The following CCM2L variants were observed in gnomAD, a reference collection of about 807,000 sequenced individuals.
CCM2L encodes cerebral cavernous malformations 2 protein-like.
CCM2L carries 36 observed loss-of-function variants against 54.1 expected under a neutral mutation model. The ratio of observed to expected loss-of-function variants is 0.67; its 90% confidence interval spans 0.51 to 0.88. The LOEUF (loss-of-function observed/expected upper bound fraction) is 0.88. Among genes scored for constraint, CCM2L ranks in the 40% least tolerant of loss-of-function variants. The pLI, the probability that CCM2L is intolerant of heterozygous loss-of-function variation, is 0.00. For missense variants in CCM2L, 700 were observed against 812.1 expected, an observed-to-expected ratio of 0.86 and a Z score of 1.68; for synonymous variants, 351 against 359.3, an observed-to-expected ratio of 0.98 and a Z score of 0.26.
chr20:32,031,235 C>T lies in CCM2L; in HGVS notation c.1637C>T (p.Pro546Leu). 2 of 1,298,542 alleles carry T rather than the reference C, an allele frequency of 1.5e-6. No homozygotes were observed. The highest frequency in any genetic ancestry group is 2.0e-6 in the Non-Finnish European group (2 of 988,472). 80.4% of individuals were successfully genotyped at this position (1,298,542 alleles called of 1,614,324 possible). The change falls in exon 10 of 10, where the codon CCC becomes CTC. Residue 546 changes from proline (P) to leucine (L), a missense_variant. Transcript: ENST00000452892. The part of the protein sequence containing the change: ...DITHDIEALA[P>L]DDDDDDEDEP... The stretch of plus-strand genomic sequence containing the variant: ...ACGCACGACATCGAGGCGCTGGCCC[C>T]CGATGACGACGACGACGACGAGGAT...
At chr20:32,015,164 CAG>C in intron 2 of CCM2L, 93 bp downstream of exon 2, 6 of 1,288,742 alleles carry the variant, frequency 4.7e-6, no homozygotes, top group Non-Finnish European at 6.2e-6. Flanking sequence ...GTATCTCACA[CAG>C]GGGAAGTTGT....
intron 1 of CCM2L, among the ~76,000 whole-genome samples, chr20:32,013,000 T>C (rs2064706819): frequency 6.6e-6 from 1 of 152,106 alleles, no homozygotes. Context: ...CTTAAAAAAA[T>C]CTTAATGGAC....
chr20:32,011,925 G>T (rs531360817), intron 1 of CCM2L, among the ~76,000 whole-genome samples: 2 of 151,218 alleles, frequency 1.3e-5, no homozygotes, highest in East Asian at 3.9e-4. Flanking sequence ...ACACACATAC[G>T]CAAGACAAAG....
rs45443900 is a variant in CCM2L at position 32,025,961 on chromosome 20, C to A, written c.1133+42C>A. 0.011 allele frequency: 13,659 copies of A among 1,283,256 alleles called. 434 individuals carry two copies. In the African/African-American group the frequency reaches 0.11, roughly 10 times the overall value. 79.5% of individuals were successfully genotyped at this position (1,283,256 alleles called of 1,614,324 possible). On this transcript the variant is annotated intron_variant, in intron 7 of 9. Coordinates refer to ENST00000452892, the MANE Select transcript of CCM2L (RefSeq NM_001365692.1). ...TCAGGGACTCCACCCTGCTCCCCTACCCCTGCACAAACAGGGTGACTAGAG... is the reference window on the plus strand; with the variant it reads ...TCAGGGACTCCACCCTGCTCCCCTAACCCTGCACAAACAGGGTGACTAGAG...
rs2064756999 is a variant in CCM2L, at chr20:32,018,155, C to T, written c.459C>T (p.Leu153=). 7 of 1,524,122 alleles carry T rather than the reference C, an allele frequency of 4.6e-6. No homozygotes were observed. Among genetic ancestry groups the T allele is most frequent in the Non-Finnish European group, 5.3e-6 (6 of 1,135,846 alleles). 94.4% of individuals were successfully genotyped at this position (1,524,122 alleles called of 1,614,324 possible). A position where few individuals can be genotyped will look rare whatever the true frequency, so the allele number is the denominator to read the frequency against. ...LQDDALHLLV[L]KTGLGVDPVP... The stretch of plus-strand genomic sequence containing the variant: ...ACGACGCGCTGCACCTGCTAGTGCT[C>T]AAGACCGGTGCGGCGGGAGGGGGCG... Residue 153 remains leucine, a synonymous_variant, in exon 4 of 10, where the codon CTC becomes CTT. Transcript: ENST00000452892.
In CCM2L at chr20:32,018,006, A is replaced by T. The variant is rs572435888; in HGVS notation, c.310A>T (p.Thr104Ser). 52 of 1,613,742 alleles carry T rather than the reference A, an allele frequency of 3.2e-5. No homozygotes were observed. Reference sequence around the variant, plus strand: ...GCTGAAGGAGCTGCCGCTGAAGACCACGGCGGAGCAGGACAGCATCCTGAG... The same window carrying T: ...GCTGAAGGAGCTGCCGCTGAAGACCTCGGCGGAGCAGGACAGCATCCTGAG... ...RQLKELPLKT[T>S]AEQDSILSLS... The change falls in exon 4 of 10, where the codon ACG becomes TCG. Residue 104 changes from threonine to serine, a missense_variant. By Grantham distance (58) the Thr-to-Ser change is moderately conservative. Coordinates refer to ENST00000452892, the MANE Select transcript of CCM2L (RefSeq NM_001365692.1).
At chr20:32,012,058 C>T (rs1217723050) in intron 1 of CCM2L, among the ~76,000 whole-genome samples, 2 of 151,932 alleles carry the variant, frequency 1.3e-5, no homozygotes, top group East Asian at 1.9e-4. Context: ...GAATTTTGCA[C>T]ATGCTGTGCC....
At chr20:32,023,036 C>T (rs1007259994) in intron 6 of CCM2L, among the ~76,000 whole-genome samples, 6 of 152,272 alleles carry the variant, frequency 3.9e-5, no homozygotes, top group South Asian at 4.1e-4. Flanking sequence ...GATGCCATCT[C>T]GGCTCACTGC....
At position 32,019,305 on chromosome 20, in the gene CCM2L, G is replaced by A. The variant is rs2064778604; in HGVS notation, c.829G>A (p.Gly277Arg). 3.8e-6 allele frequency: 5 copies of A among 1,300,322 alleles called. No homozygotes were observed. The highest frequency in any genetic ancestry group is 4.9e-6 in the Non-Finnish European group (5 of 1,024,794). The allele number at this position is 1,300,322 out of a possible 1,614,324, so 80.5% of individuals were successfully genotyped here. Residue 277 changes from glycine to arginine, a missense_variant, in exon 5 of 10, where the codon GGA becomes AGA. Physicochemically the swap from Gly to Arg is moderately radical, Grantham distance 125. Transcript: ENST00000452892. ...WERRQAGSGG[G>R]GSWERRHPGP... Reference sequence around the variant, plus strand: ...GCGGAGGCAGGCGGGCAGCGGCGGGGGAGGCAGCTGGGAGCGGCGCCACCC... The same window carrying A: ...GCGGAGGCAGGCGGGCAGCGGCGGGAGAGGCAGCTGGGAGCGGCGCCACCC...
rs2064918823 is a variant in CCM2L, at chr20:32,031,052, T to A, written c.1454T>A (p.Leu485Gln). Residue 485 changes from leucine to glutamine, a missense_variant, in exon 10 of 10, where the codon CTG becomes CAG. By Grantham distance (113) the Leu-to-Gln change is moderately radical (BLOSUM62 -2). Coordinates refer to ENST00000452892, the MANE Select transcript of CCM2L (RefSeq NM_001365692.1). Reference sequence around the variant, plus strand: ...GACATCGGCTACTTCGAGGGCTTCCTGGAGGGCGTGGGCATCCGCGAGGGC... The same window carrying A: ...GACATCGGCTACTTCGAGGGCTTCCAGGAGGGCGTGGGCATCCGCGAGGGC... Reference protein sequence around the residue: ...DQDIGYFEGFLEGVGIREGGI... With the variant: ...DQDIGYFEGFQEGVGIREGGI... The A allele has an allele frequency of 1.5e-6, 2 of 1,304,128 alleles. No homozygotes were observed. The highest frequency in any genetic ancestry group is 2.0e-6 in the Non-Finnish European group (2 of 988,946). 80.8% of individuals were successfully genotyped at this position (1,304,128 alleles called of 1,614,324 possible).
At position 32,019,106 on chromosome 20, in the gene CCM2L, C is replaced by A. The variant is rs952224232; in HGVS notation, c.630C>A (p.Gly210=). The part of the protein sequence containing the change: ...SLDWRMGWGG[G]AAEARAGGGG... ...ACTGGCGGATGGGGTGGGGTGGGGG[C>A]GCCGCGGAGGCCCGGGCCGGGGGAG... Residue 210 remains glycine, a synonymous_variant, in exon 5 of 10, where the codon GGC becomes GGA. Coordinates refer to ENST00000452892, the MANE Select transcript of CCM2L (RefSeq NM_001365692.1). 12 of 1,175,946 alleles carry A rather than the reference C, an allele frequency of 1.0e-5. No homozygotes were observed. The highest frequency in any genetic ancestry group is 1.3e-5 in the Non-Finnish European group (12 of 952,262). 72.8% of individuals were successfully genotyped at this position (1,175,946 alleles called of 1,614,324 possible).
chr20:32,025,546 C>T (rs944753599), intron 6 of CCM2L, among the ~76,000 whole-genome samples: 5 of 152,270 alleles, frequency 3.3e-5, no homozygotes, highest in African/African-American at 1.2e-4. Flanking sequence ...GGATTACAGG[C>T]GTGAGCCACA....
intron 1 of CCM2L, among the ~76,000 whole-genome samples, chr20:32,014,265 T>A (rs375301202): frequency 0.043 from 5,547 of 128,178 alleles, 144 homozygotes; most frequent in African/African-American, 0.085. Flanking sequence ...ATATATATTT[T>A]TTTTTTTTTT....
intron 2 of CCM2L, among the ~76,000 whole-genome samples, chr20:32,016,459 T>C (rs2064741933): frequency 6.6e-6 from 1 of 151,598 alleles, no homozygotes; most frequent in Non-Finnish European, 1.5e-5. Context: ...AGCCTGGCCA[T>C]CTTTTAGTAG....
intron 5 of CCM2L, among the ~76,000 whole-genome samples, chr20:32,020,202 C>A (rs1165466006): frequency 6.6e-6 from 1 of 152,178 alleles, no homozygotes; most frequent in Non-Finnish European, 1.5e-5. Flanking sequence ...GATCTTGGAC[C>A]ACCAGATCCC....
chr20:32,018,867 G>T lies in CCM2L; in HGVS notation c.467-76G>T, dbSNP rs965929100. On this transcript the variant is annotated intron_variant, in intron 4 of 9. Transcript: ENST00000452892. ...AACCCCAGAGCCGCGAGGTCAGGTG[G>T]CCAGCCGGCCTCGGCGGGGCGGGGG... is the stretch of plus-strand genomic sequence containing the variant. 1.7e-5 allele frequency: 21 copies of T among 1,238,656 alleles called. No individual in the cohort carries two copies. In the East Asian group the frequency reaches 7.1e-4, roughly 42 times the overall value. 76.7% of individuals were successfully genotyped at this position (1,238,656 alleles called of 1,614,324 possible). A position where few individuals can be genotyped will look rare whatever the true frequency, so the allele number is the denominator to read the frequency against.
rs112936941 is a variant in CCM2L, at chr20:32,030,478, T to C, written c.1403-523T>C. Among the ~76,000 whole-genome samples, 760 of 152,274 alleles carry C rather than the reference T, an allele frequency of 5.0e-3. 9 individuals carry two copies. Among genetic ancestry groups the C allele is most frequent in the African/African-American group, 0.016 (663 of 41,552 alleles). On this transcript the variant is annotated intron_variant, in intron 9 of 9. Coordinates refer to ENST00000452892, the MANE Select transcript of CCM2L (RefSeq NM_001365692.1). ...CCCAGAGAACAGGTGCAATTATCTGTTTTACAGGTGAGGAAAATGAGGTTC... is the reference window on the plus strand; with the variant it reads ...CCCAGAGAACAGGTGCAATTATCTGCTTTACAGGTGAGGAAAATGAGGTTC...
At chr20:32,023,385 A>G (rs1418706399) in intron 6 of CCM2L, among the ~76,000 whole-genome samples, 3 of 152,196 alleles carry the variant, frequency 2.0e-5, no homozygotes, top group Non-Finnish European at 4.4e-5. Flanking sequence ...TTGTGTCCCT[A>G]TATTGCAGCA....
chr20:32,027,718 T>C (rs565770256), intron 7 of CCM2L: 8 of 152,300 alleles, frequency 5.3e-5, no homozygotes, highest in Admixed American at 1.3e-4. Flanking sequence ...TGGAGGATGG[T>C]TCTGGAACAA....
Sources: gnomAD v4.1 joint callset for allele counts (sites outside exome capture counted in the v4.1 genomes callset) on GRCh38, gnomAD v4.1.1 for gene constraint, MANE v1.5 for transcripts, NCBI Gene and HGNC (gene_info 2026-07-23, HGNC 2026-07-21) for gene names.